Variants in SOX5 observed in about 807,000 individuals in gnomAD.
SOX5 encodes SRY-box transcription factor 5, also known as transcription factor SOX-5.
SOX5 carries 9 observed loss-of-function variants against 92.0 expected under a neutral mutation model. The ratio of observed to expected loss-of-function variants is 0.10; its 90% CI spans 0.06 to 0.17. SOX5 has a LOEUF of 0.17. SOX5 is among the 10% of genes least tolerant of loss of function. SOX5 has a pLI of 1.00. For missense variants in SOX5, 642 were observed against 944.5 expected (o/e 0.68, Z 4.20); for synonymous variants, 344 against 336.3 (o/e 1.02, Z -0.25).
At chr12:23,983,909 A>C (rs1356461242) in intron 4 of SOX5, among the ~76,000 whole-genome samples, 1 of 152,196 alleles carries the variant, frequency 6.6e-6, no homozygotes, top group Non-Finnish European at 1.5e-5. Flanking sequence ...AAGCAAAATT[A>C]AAACAACAAA....
chr12:24,308,008 A>G (rs1948786198), intron 2 of SOX5, among the ~76,000 whole-genome samples: 1 of 151,268 alleles, frequency 6.6e-6, no homozygotes, highest in South Asian at 2.1e-4. Context: ...GTACCAGGAA[A>G]AGGCAGTCTC....
chr12:24,057,282 C>G (rs1257722500), intron 4 of SOX5, among the ~76,000 whole-genome samples: 1 of 151,912 alleles, frequency 6.6e-6, no homozygotes, highest in Non-Finnish European at 1.5e-5. Flanking sequence ...TAAACTAAAA[C>G]TATTAAGAAA....
At chr12:24,185,073 C>A (rs778340492) in intron 4 of SOX5, among the ~76,000 whole-genome samples, 3 of 152,044 alleles carry the variant, frequency 2.0e-5, no homozygotes, top group Non-Finnish European at 2.9e-5. Flanking sequence ...TCACTGCCAG[C>A]CTGACACTGC....
At chr12:24,069,880 C>T (rs1941484811) in intron 4 of SOX5, among the ~76,000 whole-genome samples, 1 of 152,118 alleles carries the variant, frequency 6.6e-6, no homozygotes, top group African/African-American at 2.4e-5. Context: ...AAATCCCCAC[C>T]CCAATCTACA....
At chr12:24,375,660 C>A (rs1265142813) in intron 1 of SOX5, among the ~76,000 whole-genome samples, 1 of 149,106 alleles carries the variant, frequency 6.7e-6, no homozygotes, top group Non-Finnish European at 1.5e-5. Flanking sequence ...CGCTTGAACC[C>A]AGGAGGTGGA....
At chr12:23,738,188 T>C (rs2093671393) in intron 5 of SOX5, among the ~76,000 whole-genome samples, 1 of 152,206 alleles carries the variant, frequency 6.6e-6, no homozygotes, top group East Asian at 1.9e-4. Context: ...AGTAAACAGG[T>C]CCTTTAGCTT....
At chr12:23,799,089 T>C (rs958070294) in intron 3 of SOX5, among the ~76,000 whole-genome samples, 2 of 151,890 alleles carry the variant, frequency 1.3e-5, no homozygotes, top group East Asian at 3.9e-4. Flanking sequence ...TTTTTGGGGG[T>C]TCCACTCTCC....
Position 24,494,892 on chromosome 12 carries a change from G to A in SOX5, c.-251+67437C>T, listed in dbSNP as rs187644055. 2.5e-3 allele frequency among the ~76,000 whole-genome samples: 381 copies of A among 152,114 alleles called. 3 individuals are homozygous for A. Among genetic ancestry groups the A allele is most frequent in the Admixed American group, 0.017 (258 of 15,278 alleles). ...GCTCATAGAATTCAACAAATTTATC[G>A]CAAAATATAGACAACTGGGGTGCCA... On this transcript the variant is annotated intron_variant, in intron 1 of 4. Transcript: ENST00000446891.
At chr12:24,074,534 GTTTA>G (rs1942243479) in intron 4 of SOX5, among the ~76,000 whole-genome samples, 3 of 137,468 alleles carry the variant, frequency 2.2e-5, no homozygotes, top group African/African-American at 8.1e-5. Context: ...GGAATCTAAT[GTTTA>G]TACCCAAACA....
intron 1 of SOX5, among the ~76,000 whole-genome samples, chr12:24,384,584 G>A (rs1413126090): frequency 7.2e-5 from 11 of 152,142 alleles, no homozygotes; most frequent in Non-Finnish European, 7.4e-5. Flanking sequence ...TACGGTCCAC[G>A]GTAAGAACTA....
intron 2 of SOX5, among the ~76,000 whole-genome samples, chr12:24,360,853 T>C (rs1236737600): frequency 6.6e-6 from 1 of 152,242 alleles, no homozygotes; most frequent in Non-Finnish European, 1.5e-5. Flanking sequence ...CTACTGATTA[T>C]TGTTTATACA....
chr12:24,507,058 G>A (rs1948863983), intron 1 of SOX5, among the ~76,000 whole-genome samples: 1 of 151,842 alleles, frequency 6.6e-6, no homozygotes, highest in East Asian at 1.9e-4. Context: ...CCAAAGTGCT[G>A]GGATTACAGG....
intron 3 of SOX5, among the ~76,000 whole-genome samples, chr12:23,779,955 C>CTGTGTGTGTGTGTGTGTGTG (rs10686652): frequency 2.2e-5 from 3 of 136,530 alleles, no homozygotes; most frequent in Non-Finnish European, 4.8e-5. Context: ...CACAGCGAGA[C>CTGTGTGTGTGTGTGTGTGTG]TGTGTGTGTG....
chr12:23,537,928 C>A (rs1056075195), intron 13 of SOX5, among the ~76,000 whole-genome samples: 1 of 142,834 alleles, frequency 7.0e-6, no homozygotes, highest in Non-Finnish European at 1.5e-5. Flanking sequence ...TGCTGGCAGC[C>A]CTCAGTAGTA....
chr12:24,473,098 G>A (rs972080333), intron 1 of SOX5, among the ~76,000 whole-genome samples: 5 of 152,040 alleles, frequency 3.3e-5, no homozygotes, highest in African/African-American at 9.7e-5. Flanking sequence ...TGTTCCTAGA[G>A]TAGTACCAAG....
chr12:23,704,687 C>T (rs2418141), intron 6 of SOX5, among the ~76,000 whole-genome samples: 2 of 90,108 alleles, frequency 2.2e-5, no homozygotes, highest in Non-Finnish European at 4.5e-5. Flanking sequence ...TATATGCATG[C>T]ATATATATAT....
At chr12:23,913,741 G>GA (rs765548695) in intron 1 of SOX5, among the ~76,000 whole-genome samples, 3,868 of 58,060 alleles carry the variant, frequency 0.067, 152 homozygotes, top group African/African-American at 0.18. Context: ...TGTCTCAGAA[G>GA]AAAAAAAAAA....
intron 4 of SOX5, among the ~76,000 whole-genome samples, chr12:24,176,078 T>C (rs569909017): frequency 6.6e-5 from 10 of 152,230 alleles, no homozygotes; most frequent in Non-Finnish European, 1.2e-4. Flanking sequence ...CACCTGTAAT[T>C]CCAACACTTT....
chr12:24,513,967 A>G (rs1442286444), intron 1 of SOX5, among the ~76,000 whole-genome samples: 1 of 152,204 alleles, frequency 6.6e-6, no homozygotes, highest in East Asian at 1.9e-4. Flanking sequence ...ATAGTGGTAA[A>G]ATAATCTTCA....
Sources: gnomAD v4.1 joint callset for allele counts (sites outside exome capture counted in the v4.1 genomes callset) on GRCh38, gnomAD v4.1.1 for gene constraint, MANE v1.5 for transcripts, NCBI Gene and HGNC (gene_info 2026-07-23, HGNC 2026-07-21) for gene names.